The following TXLNA variants were observed in gnomAD, a reference collection of about 807,000 sequenced individuals.
TXLNA encodes the protein alpha-taxilin.
TXLNA carries 9 observed loss-of-function variants against 61.4 expected under a neutral mutation model. The observed-to-expected ratio is 0.15, with a 90% CI of 0.09 to 0.26. The LOEUF (loss-of-function observed/expected upper bound fraction) is 0.26, where lower values mean the gene tolerates loss of function less well. TXLNA is among the 10% of genes least tolerant of loss of function. The probability of loss-of-function intolerance (pLI) is 1.00; values close to 1 mark genes in which losing one functional copy is unlikely to be tolerated. For synonymous variants in TXLNA, 257 were observed against 267.7 expected (o/e 0.96, Z 0.39); for missense variants, 565 against 688.8 (o/e 0.82, Z 2.01).
At chr1:32,193,079 T>C in intron 8 of TXLNA, 129 bp from the exon 9 acceptor site, 1 of 688,546 alleles carries the variant, frequency 1.5e-6, no homozygotes, top group South Asian at 1.7e-5. Context: ...ATAGCTTTGC[T>C]TTGTTTTAAG....
intron 6 of TXLNA, among the ~76,000 whole-genome samples, chr1:32,191,480 C>A (rs554088170): frequency 6.6e-6 from 1 of 152,088 alleles, no homozygotes; most frequent in Non-Finnish European, 1.5e-5. Context: ...TATCCCTCAG[C>A]GCTGAGACAT....
In TXLNA at chr1:32,195,073, G is replaced by C; in HGVS notation, c.1519G>C (p.Gly507Arg). ...CAGTGGCCCTGAGAGGAGGCCAGAG[G>C]GGCCTGGGGCTCAAGCACCCAGCTC... ...TDSGPERRPE[G>R]PGAQAPSSPR... The change falls in exon 11 of 11, where the codon GGG becomes CGG. Residue 507 changes from glycine to arginine, a missense_variant. This residue lies in a region of TXLNA where 373 missense variants were observed against 504.0 expected (regional missense o/e 0.74). Transcript: ENST00000373610. 1 of 1,614,136 alleles carries C rather than the reference G, an allele frequency of 6.2e-7. No homozygotes were observed. Among genetic ancestry groups the C allele is most frequent in the Non-Finnish European group, 8.5e-7 (1 of 1,180,012 alleles).
At chr1:32,194,492 G>A (rs918913446) in intron 10 of TXLNA, among the ~76,000 whole-genome samples, 2 of 152,216 alleles carry the variant, frequency 1.3e-5, no homozygotes, top group Non-Finnish European at 2.9e-5. Context: ...AGGAACTAAC[G>A]ATGGAGCAGC....
At chr1:32,194,003 G>T in intron 9 of TXLNA, 62 bp from the exon 10 acceptor site, 1 of 1,393,390 alleles carries the variant, frequency 7.2e-7, no homozygotes, top group Non-Finnish European at 1.0e-6. Flanking sequence ...TCCCCACCTT[G>T]GAGACACAGA....
Position 32,192,749 on chromosome 1 carries a change from G to A in TXLNA, c.1158+18G>A. 1 of 1,613,884 alleles carries A rather than the reference G, an allele frequency of 6.2e-7. No individual in the cohort carries two copies. ...AGCAACAGGTGAGAGCATATAACCT[G>A]ACCCTGTGCCTTCAAGTTTCCCTCA... On this transcript the variant is annotated intron_variant, in intron 8 of 10. Transcript: ENST00000373610. This position sits in a 1 kb window ranked among gnomAD's most constrained non-coding sequence, Gnocchi z 4.2.
chr1:32,194,675 G>A lies in TXLNA; in HGVS notation c.1348-227G>A, dbSNP rs575793596. Among the ~76,000 whole-genome samples, 600 of 152,218 alleles carry A rather than the reference G, an allele frequency of 3.9e-3. 4 individuals carry two copies. The highest frequency in any genetic ancestry group is 0.013 in the African/African-American group (521 of 41,518). On this transcript the variant is annotated intron_variant, in intron 10 of 10. Coordinates refer to ENST00000373610, the MANE Select transcript of TXLNA (RefSeq NM_175852.4). Reference sequence around the variant, plus strand: ...AAGTCAAGTCCTTTGCCAAGGTCACGTGGTAGATAAATGGAGGAATACGTT... The same window carrying A: ...AAGTCAAGTCCTTTGCCAAGGTCACATGGTAGATAAATGGAGGAATACGTT...
chr1:32,184,149 G>A (rs1414094783), intron 3 of TXLNA, among the ~76,000 whole-genome samples: 1 of 152,218 alleles, frequency 6.6e-6, no homozygotes, highest in East Asian at 1.9e-4. Context: ...TCTATCAGGA[G>A]GGTGGGCCTT....
chr1:32,188,065 G>T lies in TXLNA; in HGVS notation c.709G>T (p.Ala237Ser). Residue 237 changes from alanine (A) to serine (S), a missense_variant, in exon 5 of 11, where the codon GCC becomes TCC. Physicochemically the swap from Ala to Ser is moderately conservative, Grantham distance 99. Coordinates refer to ENST00000373610, the MANE Select transcript of TXLNA (RefSeq NM_175852.4). ...CGGTGAGCACAGCAAGGCCGTCCTG[G>T]CCCGCAGCAAGCTTGAGAGCCTATG... ...LRGEHSKAVL[A>S]RSKLESLCRE... The T allele has an allele frequency of 1.9e-6, 3 of 1,593,524 alleles. No individual in the cohort carries two copies. Among genetic ancestry groups the T allele is most frequent in the Non-Finnish European group, 2.6e-6 (3 of 1,169,968 alleles).
intron 1 of TXLNA, 109 bp downstream of exon 1, chr1:32,179,885 C>T (rs1349468927): frequency 6.6e-6 from 1 of 152,560 alleles, no homozygotes; most frequent in East Asian, 1.9e-4. Context: ...CGGGGGCTGT[C>T]TGGGGATATG....
rs1383794432 is a variant in TXLNA, at chr1:32,195,562, G to T, written c.*367G>T. ...ATTTCTCTGTCTGATTTGAGGCTCA[G>T]ACCCCTCCCTGCCCTTCAGAGCTCA... is the stretch of plus-strand genomic sequence containing the variant. On this transcript the variant is annotated 3_prime_UTR_variant, in exon 11 of 11. Coordinates refer to ENST00000373610, the MANE Select transcript of TXLNA (RefSeq NM_175852.4). 3 of 408,010 alleles carry T rather than the reference G, an allele frequency of 7.4e-6. No homozygotes were observed. In the East Asian group the frequency reaches 1.7e-4, roughly 23 times the overall value. 25.3% of individuals were successfully genotyped at this position (408,010 alleles called of 1,614,324 possible). A position where few individuals can be genotyped will look rare whatever the true frequency, so the allele number is the denominator to read the frequency against.
At chr1:32,191,092 T>TC (rs1315531608) in intron 6 of TXLNA, among the ~76,000 whole-genome samples, 3 of 109,090 alleles carry the variant, frequency 2.8e-5, no homozygotes, top group Admixed American at 1.0e-4. Flanking sequence ...AGACTCCATC[T>TC]CAAAAAAAAA....
intron 9 of TXLNA, 27 bp from the exon 10 acceptor site, chr1:32,194,038 T>C (rs1569632550): frequency 6.3e-7 from 1 of 1,597,582 alleles, no homozygotes; most frequent in Non-Finnish European, 8.6e-7. Context: ...GCTCTGACCA[T>C]TTCCTTCTGT....
rs1643041956 is a variant in TXLNA, at chr1:32,197,097, C to A, written c.*1902C>A. On this transcript the variant is annotated 3_prime_UTR_variant, in exon 11 of 11. Transcript: ENST00000373610. The surrounding 1 kb of genome is among the most constrained non-coding windows in gnomAD (Gnocchi z 4.6). ...CCTCTGTCTGGAGTAGTCCTTGCCT[C>A]TTCCTGCTCCAGTAGGGCCTTTTCC... The A allele has an allele frequency of 6.6e-6, 1 of 152,334 alleles. No individual in the cohort carries two copies. The highest frequency in any genetic ancestry group is 1.5e-5 in the Non-Finnish European group (1 of 68,096). The allele number at this position is 152,334 out of a possible 1,614,324, so 9.4% of individuals were successfully genotyped here.
chr1:32,193,526 TTTGTTGTTGTTGTTGTTG>T (rs373486404), intron 9 of TXLNA, among the ~76,000 whole-genome samples: 3 of 148,932 alleles, frequency 2.0e-5, no homozygotes, highest in East Asian at 4.0e-4. Flanking sequence ...TTTTGGGGGG[TTTGTTGTTGTTGTTGTTG>T]TTGTTGTTGT....
At chr1:32,187,926 C>A in intron 4 of TXLNA, 28 bp from the exon 5 acceptor site, 1 of 1,606,936 alleles carries the variant, frequency 6.2e-7, no homozygotes, top group Non-Finnish European at 8.5e-7. Flanking sequence ...ACAAGATGCT[C>A]ACCTGCCCTC....
At position 32,195,932 on chromosome 1, in the gene TXLNA, C is replaced by G. The variant is rs1266988755; in HGVS notation, c.*737C>G. On this transcript the variant is annotated 3_prime_UTR_variant, in exon 11 of 11. Transcript: ENST00000373610. The stretch of plus-strand genomic sequence containing the variant: ...TGCACAAATGATTGACAAGAGATCA[C>G]CCAAAGGATTATTTCTGAAGGTGTT... 8 of 217,712 alleles carry G rather than the reference C, an allele frequency of 3.7e-5. No individual in the cohort carries two copies. Among genetic ancestry groups the G allele is most frequent in the Middle Eastern group, 1.1e-3 (1 of 882 alleles). The allele number at this position is 217,712 out of a possible 1,614,324, so 13.5% of individuals were successfully genotyped here.
At chr1:32,181,019 A>C (rs1642643555) in intron 2 of TXLNA, among the ~76,000 whole-genome samples, 1 of 152,210 alleles carries the variant, frequency 6.6e-6, no homozygotes, top group South Asian at 2.1e-4. Context: ...GAAGTTAGGC[A>C]ACGATTACTA....
chr1:32,182,699 G>A (rs1455187800), intron 3 of TXLNA, among the ~76,000 whole-genome samples: 2 of 150,988 alleles, frequency 1.3e-5, no homozygotes, highest in Admixed American at 6.6e-5. Flanking sequence ...TAAGTCGAGT[G>A]TCATTATATC....
chr1:32,191,542 C>A lies in TXLNA; in HGVS notation c.964-769C>A, dbSNP rs1015792722. On this transcript the variant is annotated intron_variant, in intron 6 of 10. Transcript: ENST00000373610. ...GACACGAACTTCAAGAATCTGAATA[C>A]CCCCGTTTTCTCTCCCCGCCAAGGC... 2.0e-5 allele frequency among the ~76,000 whole-genome samples: 3 copies of A among 152,154 alleles called. No homozygotes were observed. In the East Asian group the frequency reaches 5.8e-4, roughly 29 times the overall value.
Sources: allele counts gnomAD v4.1 joint callset (sites outside exome capture counted in the v4.1 genomes callset), GRCh38; gene constraint gnomAD v4.1.1; regional missense constraint gnomAD v4.1.1; non-coding constraint Gnocchi (gnomAD v3.1); transcripts MANE v1.5; gene names NCBI Gene and HGNC (gene_info 2026-07-23, HGNC 2026-07-21).